SGCZ: variants seen among roughly 807,000 people sequenced by gnomAD.
SGCZ encodes zeta-sarcoglycan.
A neutral mutation model predicts 41.3 loss-of-function variants in SGCZ; 40 were observed. The ratio of observed to expected loss-of-function variants is 0.97; its 90% CI spans 0.75 to 1.26. SGCZ has a LOEUF of 1.26. SGCZ is among the 50% of genes most tolerant of loss of function. SGCZ has a pLI of 0.00. For missense variants in SGCZ, 552 were observed against 369.8 expected, an observed-to-expected ratio of 1.49 and a Z score of -4.04; for synonymous variants, 206 against 137.5, an observed-to-expected ratio of 1.50 and a Z score of -3.49.
At chr8:14,197,214 T>C (rs1445546770) in intron 4 of SGCZ, among the ~76,000 whole-genome samples, 1 of 152,142 alleles carries the variant, frequency 6.6e-6, no homozygotes, top group African/African-American at 2.4e-5. Context: ...TTCTACTAAA[T>C]ATTTAAGCAA....
chr8:15,126,887 G>A (rs896528635), intron 1 of SGCZ, among the ~76,000 whole-genome samples: 1 of 152,162 alleles, frequency 6.6e-6, no homozygotes, highest in African/African-American at 2.4e-5. Context: ...TTGTGGGAAG[G>A]ACATGGAGAC....
chr8:14,479,989 C>T (rs1801490332), intron 2 of SGCZ, among the ~76,000 whole-genome samples: 1 of 152,196 alleles, frequency 6.6e-6, no homozygotes, highest in Non-Finnish European at 1.5e-5. Context: ...AAGTGATCCA[C>T]CCGCCTCGGC....
chr8:14,269,058 A>G (rs534332336), intron 3 of SGCZ, among the ~76,000 whole-genome samples: 15 of 152,176 alleles, frequency 9.9e-5, no homozygotes, highest in African/African-American at 3.6e-4. Flanking sequence ...CCAATTCTAT[A>G]TCATTAAACA....
At chr8:14,282,027 C>G (rs1344903943) in intron 3 of SGCZ, among the ~76,000 whole-genome samples, 1 of 152,086 alleles carries the variant, frequency 6.6e-6, no homozygotes, top group Non-Finnish European at 1.5e-5. Flanking sequence ...AACCAGTTAT[C>G]AAACCATATT....
chr8:15,159,534 C>G (rs1485458142), intron 1 of SGCZ, among the ~76,000 whole-genome samples: 1 of 152,044 alleles, frequency 6.6e-6, no homozygotes, highest in East Asian at 1.9e-4. Context: ...CAGGTAGATG[C>G]TGCCAGAGTT....
chr8:14,207,252 A>G (rs1805645460), intron 4 of SGCZ, among the ~76,000 whole-genome samples: 1 of 115,418 alleles, frequency 8.7e-6, no homozygotes, highest in Non-Finnish European at 1.8e-5. Context: ...AGTTTTTTCA[A>G]TTTAAATGTA....
rs1242237376 is a variant in SGCZ, at chr8:14,620,228, C to T, written c.40-65302G>A. 8.5e-5 allele frequency among the ~76,000 whole-genome samples: 13 copies of T among 152,190 alleles called. No homozygotes were observed. In the South Asian group the frequency reaches 2.7e-3, roughly 32 times the overall value. ...TAATAAATGGTGCTGGGAAAACTGG[C>T]TAGCCATATGTAGAAAGCTGAAACT... On this transcript the variant is annotated intron_variant, in intron 1 of 7. Coordinates refer to ENST00000382080, the MANE Select transcript of SGCZ (RefSeq NM_139167.4).
chr8:14,951,265 G>C (rs1046469854), intron 1 of SGCZ, among the ~76,000 whole-genome samples: 3 of 151,986 alleles, frequency 2.0e-5, no homozygotes, highest in East Asian at 3.9e-4. Flanking sequence ...ATAGAAACTG[G>C]TTAGGAAATA....
At chr8:14,139,371 C>T (rs1563148729) in intron 5 of SGCZ, among the ~76,000 whole-genome samples, 1 of 150,986 alleles carries the variant, frequency 6.6e-6, no homozygotes, top group African/African-American at 2.5e-5. Context: ...GATAGACACA[C>T]AAAAAACCCT....
intron 2 of SGCZ, among the ~76,000 whole-genome samples, chr8:14,415,895 T>G (rs962738189): frequency 2.0e-5 from 3 of 151,918 alleles, no homozygotes; most frequent in Non-Finnish European, 4.4e-5. Flanking sequence ...TTAACAAAAC[T>G]TCATCTTTTT....
At position 14,757,165 on chromosome 8, in the gene SGCZ, C is replaced by T. The variant is rs139298178; in HGVS notation, c.40-202239G>A. Among the ~76,000 whole-genome samples the T allele has an allele frequency of 7.4e-3, 1,131 of 152,280 alleles. 13 individuals carry two copies. The highest frequency in any genetic ancestry group is 0.025 in the African/African-American group (1,045 of 41,554). ...CCAGGTTCAAGCATTTCTCCTGCCTCAGCCTCCCTAGTAGCTGGGATTACA... is the reference window on the plus strand; with the variant it reads ...CCAGGTTCAAGCATTTCTCCTGCCTTAGCCTCCCTAGTAGCTGGGATTACA... On this transcript the variant is annotated intron_variant, in intron 1 of 7. Transcript: ENST00000382080.
intron 1 of SGCZ, among the ~76,000 whole-genome samples, chr8:14,659,542 T>C (rs1192708105): frequency 1.2e-4 from 19 of 152,230 alleles, no homozygotes; most frequent in Non-Finnish European, 5.9e-5. Context: ...ATAATAATTT[T>C]GGTAGCCAAA....
chr8:14,346,175 C>A (rs11995124), intron 2 of SGCZ, among the ~76,000 whole-genome samples: 17,647 of 151,900 alleles, frequency 0.12, 1,354 homozygotes, highest in East Asian at 0.26. Context: ...CAATACGTTA[C>A]TAATAGGAGA....
At chr8:14,827,778 A>G (rs1802385137) in intron 1 of SGCZ, among the ~76,000 whole-genome samples, 1 of 152,154 alleles carries the variant, frequency 6.6e-6, no homozygotes, top group African/African-American at 2.4e-5. Flanking sequence ...AACTACATGA[A>G]ATTAAAGTAA....
chr8:15,005,059 C>G (rs1364941014), intron 1 of SGCZ, among the ~76,000 whole-genome samples: 1 of 152,192 alleles, frequency 6.6e-6, no homozygotes, highest in African/African-American at 2.4e-5. Context: ...TTCTAGATCA[C>G]TTCACACGGT....
intron 3 of SGCZ, among the ~76,000 whole-genome samples, chr8:14,238,204 C>A (rs182456143): frequency 1.4e-4 from 21 of 152,294 alleles, no homozygotes; most frequent in Admixed American, 3.9e-4. Context: ...ACGTGTCTAT[C>A]TGGGATTTTT....
intron 4 of SGCZ, among the ~76,000 whole-genome samples, chr8:14,237,316 C>T (rs1394607282): frequency 1.3e-5 from 2 of 152,048 alleles, no homozygotes; most frequent in Non-Finnish European, 2.9e-5. Flanking sequence ...GAAAATTGGG[C>T]TGTAATGGAA....
chr8:14,394,892 T>C (rs111613325), intron 2 of SGCZ, among the ~76,000 whole-genome samples: 3 of 152,186 alleles, frequency 2.0e-5, no homozygotes, highest in African/African-American at 7.2e-5. Flanking sequence ...GGTGATATTG[T>C]GCAGATATCA....
chr8:14,287,938 C>T (rs975781496), intron 3 of SGCZ, among the ~76,000 whole-genome samples: 2 of 152,164 alleles, frequency 1.3e-5, no homozygotes, highest in South Asian at 2.1e-4. Flanking sequence ...AGGATTTATT[C>T]CTCTTCGGTG....
Sources: gnomAD v4.1 joint callset for allele counts (sites outside exome capture counted in the v4.1 genomes callset) on GRCh38, gnomAD v4.1.1 for gene constraint, MANE v1.5 for transcripts, NCBI Gene and HGNC (gene_info 2026-07-23, HGNC 2026-07-21) for gene names.